The following ABCA13 variants were observed in gnomAD, a reference collection of about 807,000 sequenced individuals.
ABCA13 encodes ATP binding cassette subfamily A member 13, also known as ATP-binding cassette sub-family A member 13.
ABCA13 carries 476 observed loss-of-function variants against 478.7 expected under a neutral mutation model. That is an observed-to-expected ratio of 0.99 (90% CI 0.92 to 1.07). ABCA13 has a LOEUF of 1.07. ABCA13 is among the 50% of genes least tolerant of loss of function. The probability of loss-of-function intolerance (pLI) is 0.00; values close to 1 mark genes in which losing one functional copy is unlikely to be tolerated. For synonymous variants in ABCA13, 2,252 were observed against 2,158.9 expected (o/e 1.04, Z -1.20); for missense variants, 6,060 against 5,910.6 (o/e 1.03, Z -0.83).
chr7:48,207,326 T>C (rs1024476399), intron 3 of ABCA13, among the ~76,000 whole-genome samples: 3 of 152,094 alleles, frequency 2.0e-5, no homozygotes, highest in African/African-American at 7.2e-5. Flanking sequence ...AGCAGTTGGA[T>C]TGCTAGATCA....
intron 27 of ABCA13, among the ~76,000 whole-genome samples, chr7:48,329,437 G>A (rs1804857486): frequency 6.6e-6 from 1 of 152,110 alleles, no homozygotes; most frequent in Admixed American, 6.5e-5. Context: ...TAGCATCCTA[G>A]GGGGCTGGCT....
At chr7:48,406,150 G>A (rs1372487719) in intron 39 of ABCA13, among the ~76,000 whole-genome samples, 1 of 152,164 alleles carries the variant, frequency 6.6e-6, no homozygotes, top group East Asian at 1.9e-4. Flanking sequence ...TTCTTGCTTA[G>A]TTATGTACAG....
At chr7:48,590,296 G>A (rs938068305) in intron 57 of ABCA13, among the ~76,000 whole-genome samples, 4 of 151,756 alleles carry the variant, frequency 2.6e-5, no homozygotes, top group African/African-American at 9.7e-5. Flanking sequence ...CACACACAGT[G>A]AGAGAGAGGA....
In ABCA13 at chr7:48,643,347, C is replaced by T; in HGVS notation, c.14897C>T (p.Thr4966Ile). 1 of 1,613,650 alleles carries T rather than the reference C, an allele frequency of 6.2e-7. No homozygotes were observed. Among genetic ancestry groups the T allele is most frequent in the East Asian group, 2.2e-5 (1 of 44,846 alleles). The change falls in exon 60 of 62, where the codon ACT becomes ATT. Residue 4966 changes from threonine to isoleucine, a missense_variant. Around this residue, in one of 3 missense-constraint regions of ABCA13, gnomAD observed 1,627 missense variants for 1,571.0 expected, o/e 1.04. Transcript: ENST00000435803. ...WLCKEANQHCTVSDHLKLYFP... is the reference protein window; with the variant it reads ...WLCKEANQHCIVSDHLKLYFP... ...TGTAAGGAAGCAAATCAACATTGCACTGTTTCTGACCACTTGAAGCTTTAT... is the reference window on the plus strand; with the variant it reads ...TGTAAGGAAGCAAATCAACATTGCATTGTTTCTGACCACTTGAAGCTTTAT...
At chr7:48,376,651 A>AGTGAT in intron 35 of ABCA13, 79 bp downstream of exon 35, 1 of 1,436,988 alleles carries the variant, frequency 7.0e-7, no homozygotes, top group Non-Finnish European at 9.5e-7. Context: ...TATTAGAATA[A>AGTGAT]TCACTTATTC....
intron 47 of ABCA13, among the ~76,000 whole-genome samples, chr7:48,487,887 A>G (rs1014814118): frequency 6.6e-6 from 1 of 152,186 alleles, no homozygotes. Flanking sequence ...ATATGACATA[A>G]ACTCCTTCAG....
At chr7:48,233,931 G>A (rs927038326) in intron 7 of ABCA13, 87 bp from the exon 8 acceptor site, 1 of 1,487,648 alleles carries the variant, frequency 6.7e-7, no homozygotes, top group Non-Finnish European at 9.1e-7. Flanking sequence ...CTTTAGAGGT[G>A]AAAAAAGGTA....
intron 54 of ABCA13, among the ~76,000 whole-genome samples, chr7:48,525,669 G>A (rs958280087): frequency 2.0e-5 from 1 of 48,928 alleles, no homozygotes; most frequent in East Asian, 6.0e-4. Flanking sequence ...GTTTAGATGC[G>A]CTTTTTTTTT....
intron 38 of ABCA13, among the ~76,000 whole-genome samples, chr7:48,401,986 G>A (rs910869746): frequency 6.6e-6 from 1 of 152,142 alleles, no homozygotes; most frequent in African/African-American, 2.4e-5. Flanking sequence ...GGTCCCTTTT[G>A]CTTACATCTT....
intron 27 of ABCA13, among the ~76,000 whole-genome samples, chr7:48,332,199 C>T (rs1805516082): frequency 6.6e-6 from 1 of 152,160 alleles, no homozygotes. Context: ...TTCTGTTTCT[C>T]TTTTCTTGCC....
chr7:48,506,460 T>A, intron 49 of ABCA13, 70 bp downstream of exon 49: 1 of 1,557,110 alleles, frequency 6.4e-7, no homozygotes, highest in Non-Finnish European at 8.9e-7. Flanking sequence ...TACTTAGGGA[T>A]GACTTTGGTC....
chr7:48,399,625 G>A (rs1379617952), intron 38 of ABCA13, among the ~76,000 whole-genome samples: 1 of 152,134 alleles, frequency 6.6e-6, no homozygotes, highest in African/African-American at 2.4e-5. Context: ...GTGAAGGGAG[G>A]ATATGCTACA....
At chr7:48,267,399 A>T (rs778829552) in intron 15 of ABCA13, among the ~76,000 whole-genome samples, 3 of 152,162 alleles carry the variant, frequency 2.0e-5, no homozygotes, top group Non-Finnish European at 4.4e-5. Flanking sequence ...TTTTATCATC[A>T]TGAAATGATA....
intron 43 of ABCA13, 146 bp from the exon 44 acceptor site, chr7:48,466,810 A>G: frequency 1.4e-6 from 1 of 724,202 alleles, no homozygotes; most frequent in Non-Finnish European, 2.4e-6. Context: ...AAACAGTGGA[A>G]AATTAGCTGT....
chr7:48,547,502 G>T (rs1210483102), intron 55 of ABCA13, among the ~76,000 whole-genome samples: 1 of 151,740 alleles, frequency 6.6e-6, no homozygotes, highest in Non-Finnish European at 1.5e-5. Context: ...ATGTAGATCT[G>T]TATTAGATGG....
intron 7 of ABCA13, among the ~76,000 whole-genome samples, chr7:48,233,556 G>T (rs1789490974): frequency 6.6e-6 from 1 of 152,068 alleles, no homozygotes; most frequent in African/African-American, 2.4e-5. Context: ...CAGTTTTAAA[G>T]ACTCCATAGT....
intron 23 of ABCA13, among the ~76,000 whole-genome samples, chr7:48,299,266 G>A (rs765673018): frequency 6.6e-6 from 1 of 152,140 alleles, no homozygotes; most frequent in Non-Finnish European, 1.5e-5. Context: ...ACCATCAACT[G>A]GGCCCCAACA....
At chr7:48,259,925 T>G (rs1793948569) in intron 15 of ABCA13, among the ~76,000 whole-genome samples, 1 of 152,068 alleles carries the variant, frequency 6.6e-6, no homozygotes, top group South Asian at 2.1e-4. Flanking sequence ...GCAATTGTAT[T>G]ATGAAATTCT....
At chr7:48,377,067 G>A (rs956861469) in intron 35 of ABCA13, among the ~76,000 whole-genome samples, 2 of 152,048 alleles carry the variant, frequency 1.3e-5, no homozygotes, top group Admixed American at 6.6e-5. Context: ...TGGGAGTGAG[G>A]GGCCATGTCC....
Sources: allele counts gnomAD v4.1 joint callset (sites outside exome capture counted in the v4.1 genomes callset), GRCh38; gene constraint gnomAD v4.1.1; regional missense constraint gnomAD v4.1.1; transcripts MANE v1.5; gene names NCBI Gene and HGNC (gene_info 2026-07-23, HGNC 2026-07-21).